The following OPHN1 variants were observed in gnomAD, a reference collection of about 807,000 sequenced individuals.
OPHN1 encodes the protein oligophrenin 1, also known as oligophrenin-1.
A neutral mutation model predicts 60.7 loss-of-function variants in OPHN1; 11 were observed. The observed-to-expected ratio is 0.18, with a 90% CI of 0.11 to 0.30. OPHN1 has a LOEUF of 0.30. OPHN1 is among the 10% of genes least tolerant of loss of function. The probability of loss-of-function intolerance (pLI) is 1.00; values close to 1 mark genes in which losing one functional copy is unlikely to be tolerated. For synonymous variants in OPHN1, 226 were observed against 222.6 expected (o/e 1.02, Z -0.14); for missense variants, 449 against 611.0 (o/e 0.73, Z 2.80).
At chrX:68,227,845 A>T (rs1455750984) in intron 6 of OPHN1, among the ~76,000 whole-genome samples, 4 of 111,275 alleles carry the variant, frequency 3.6e-5, no homozygotes, top group Non-Finnish European at 5.7e-5. Context: ...AATTAAAAGA[A>T]CTAGAGAAGC....
chrX:68,209,560 T>G (rs974135837), intron 9 of OPHN1, among the ~76,000 whole-genome samples: 1 of 111,551 alleles, frequency 9.0e-6, no homozygotes, highest in African/African-American at 3.3e-5. Context: ...AGCAAGATCC[T>G]GTCTTAAAAA....
intron 2 of OPHN1, among the ~76,000 whole-genome samples, chrX:68,391,443 G>A (rs2078653482): frequency 1.8e-5 from 2 of 110,976 alleles, no homozygotes; most frequent in Non-Finnish European, 3.8e-5. Context: ...TAAAGCATAC[G>A]TTTTTGTCTT....
At chrX:68,102,919 G>A (rs969402862) in intron 18 of OPHN1, among the ~76,000 whole-genome samples, 2 of 111,518 alleles carry the variant, frequency 1.8e-5, no homozygotes, top group Non-Finnish European at 3.8e-5. Context: ...AGGACCAGAC[G>A]GATTCACAGC....
chrX:68,070,821 A>G (rs2076931030), intron 20 of OPHN1: 1 of 1,170,316 alleles, frequency 8.5e-7, no homozygotes, highest in Non-Finnish European at 1.2e-6. Flanking sequence ...TGCTGCTTTC[A>G]GGACCACAGT....
chrX:68,209,714 C>T (rs192558328), intron 9 of OPHN1, among the ~76,000 whole-genome samples: 73 of 112,018 alleles, frequency 6.5e-4, no homozygotes, highest in Non-Finnish European at 1.1e-3. Flanking sequence ...CAAATGGTGA[C>T]GTCTCTGAGC....
At chrX:68,078,050 G>A (rs1027459323) in intron 19 of OPHN1, among the ~76,000 whole-genome samples, 1 of 111,697 alleles carries the variant, frequency 9.0e-6, no homozygotes, top group Non-Finnish European at 1.9e-5. Flanking sequence ...AAATGTACAT[G>A]AGTATTTGTC....
chrX:68,136,552 C>T (rs1226682997), intron 15 of OPHN1, among the ~76,000 whole-genome samples: 1 of 110,987 alleles, frequency 9.0e-6, no homozygotes, highest in East Asian at 2.8e-4. Flanking sequence ...ATCCGCCCGC[C>T]TCAGCCTCCC....
intron 2 of OPHN1, among the ~76,000 whole-genome samples, chrX:68,384,463 T>A (rs2078613853): frequency 8.9e-6 from 1 of 112,236 alleles, no homozygotes; most frequent in South Asian, 3.7e-4. Flanking sequence ...CTCACGCCTG[T>A]AATCCCAGCA....
rs761563583 is a variant in OPHN1 at position 68,234,593 on chromosome X, A to T, written c.385-5T>A. Reference sequence around the variant, plus strand: ...TTCAAATTTCTTTTTCCGCTCCTAAAGGTGGGAAAGAAGGGCAAAGATTAA... The same window carrying T: ...TTCAAATTTCTTTTTCCGCTCCTAATGGTGGGAAAGAAGGGCAAAGATTAA... On this transcript the variant is annotated splice_polypyrimidine_tract_variant and splice_region_variant and intron_variant, in intron 5 of 24. Coordinates refer to ENST00000355520, the MANE Select transcript of OPHN1 (RefSeq NM_002547.3). 7 of 1,152,386 alleles carry T rather than the reference A, an allele frequency of 6.1e-6. No homozygotes were observed. The highest frequency in any genetic ancestry group is 8.3e-6 in the Non-Finnish European group (7 of 841,340). The allele number at this position is 1,152,386 out of a possible 1,213,427, so 95.0% of individuals were successfully genotyped here.
intron 2 of OPHN1, among the ~76,000 whole-genome samples, chrX:68,431,181 C>T (rs1240809488): frequency 8.9e-6 from 1 of 112,162 alleles, no homozygotes; most frequent in Non-Finnish European, 1.9e-5. Flanking sequence ...ATATCCTTAA[C>T]CTCTTAAGGA....
chrX:68,274,599 TG>T lies in OPHN1; in HGVS notation c.384+138del, dbSNP rs771561702. The T allele has an allele frequency of 1.9e-4, 82 of 421,652 alleles. 1 individual carries two copies. In the South Asian group the frequency reaches 1.9e-3, roughly 10 times the overall value. The allele number at this position is 421,652 out of a possible 1,213,427, so 34.7% of individuals were successfully genotyped here. Reference sequence around the variant, plus strand: ...TGACATAAACAACAAACATTTATTTTGCACAGTTTAGGAGGCTGACTAGGCC... The same window carrying T: ...TGACATAAACAACAAACATTTATTTTCACAGTTTAGGAGGCTGACTAGGCC... On this transcript the variant is annotated intron_variant, in intron 5 of 24. Transcript: ENST00000355520.
At chrX:68,134,927 T>C (rs1172427601) in intron 15 of OPHN1, among the ~76,000 whole-genome samples, 3 of 111,250 alleles carry the variant, frequency 2.7e-5, no homozygotes, top group African/African-American at 6.5e-5. Context: ...AAGTATACAT[T>C]TATTTTTTTA....
intron 6 of OPHN1, among the ~76,000 whole-genome samples, chrX:68,221,918 A>AT (rs1159188256): frequency 2.8e-3 from 273 of 98,882 alleles, no homozygotes; most frequent in African/African-American, 9.3e-3. Context: ...AAAAGACAAA[A>AT]TTGACAAATG....
At chrX:68,363,563 C>G (rs1363773881) in intron 2 of OPHN1, among the ~76,000 whole-genome samples, 2 of 111,232 alleles carry the variant, frequency 1.8e-5, no homozygotes, top group African/African-American at 6.5e-5. Flanking sequence ...CTGCCTGACT[C>G]AGCTTCCTAA....
chrX:68,234,437 T>C (rs1226815680), intron 6 of OPHN1, 50 bp downstream of exon 6: 1 of 978,464 alleles, frequency 1.0e-6, no homozygotes, highest in South Asian at 1.9e-5. Context: ...TCACACTGTT[T>C]CTAAGGCATA....
intron 2 of OPHN1, among the ~76,000 whole-genome samples, chrX:68,429,191 G>A (rs189919273): frequency 2.3e-4 from 26 of 110,863 alleles, no homozygotes; most frequent in African/African-American, 8.2e-4. Context: ...GGAGGCCAAG[G>A]GGGGGCGGAC....
intron 5 of OPHN1, among the ~76,000 whole-genome samples, chrX:68,242,370 G>A (rs1239077847): frequency 9.0e-6 from 1 of 111,102 alleles, no homozygotes; most frequent in Non-Finnish European, 1.9e-5. Context: ...GTGACAGGCT[G>A]AGATCCTGTC....
At chrX:68,330,192 T>A (rs1172875273) in intron 2 of OPHN1, among the ~76,000 whole-genome samples, 1 of 109,559 alleles carries the variant, frequency 9.1e-6, no homozygotes, top group African/African-American at 3.3e-5. Context: ...CTCCACCTCC[T>A]GGGTTCAAGC....
intron 15 of OPHN1, among the ~76,000 whole-genome samples, chrX:68,165,638 T>C (rs1461760161): frequency 8.9e-6 from 1 of 112,137 alleles, no homozygotes; most frequent in East Asian, 2.8e-4. Context: ...TTTACAAAAA[T>C]GTGACATAGA....
Sources: gnomAD v4.1 joint callset for allele counts (sites outside exome capture counted in the v4.1 genomes callset) on GRCh38, gnomAD v4.1.1 for gene constraint, MANE v1.5 for transcripts, NCBI Gene and HGNC (gene_info 2026-07-23, HGNC 2026-07-21) for gene names.